The following KHDRBS2 variants were observed in gnomAD, a reference collection of about 807,000 sequenced individuals.
KHDRBS2 encodes the protein KH RNA binding domain containing, signal transduction associated 2.
KHDRBS2 carries 26 observed loss-of-function variants against 44.3 expected under a neutral mutation model. The observed-to-expected ratio is 0.59, with a 90% CI of 0.43 to 0.81. The LOEUF (loss-of-function observed/expected upper bound fraction) is 0.81, where lower values mean the gene tolerates loss of function less well. Ranked by LOEUF, KHDRBS2 falls within the 40% of genes least tolerant of loss-of-function variation. KHDRBS2 has a pLI of 0.00. For synonymous variants in KHDRBS2, 194 were observed against 151.1 expected, an observed-to-expected ratio of 1.28 and a Z score of -2.08; for missense variants, 476 against 433.1, an observed-to-expected ratio of 1.10 and a Z score of -0.88.
chr6:62,009,539 G>T (rs2127267756), intron 3 of KHDRBS2, among the ~76,000 whole-genome samples: 1 of 152,306 alleles, frequency 6.6e-6, no homozygotes, highest in East Asian at 1.9e-4. Context: ...TGAGGAAAAT[G>T]TCTCCAGGGC....
chr6:61,746,372 T>A (rs1386308904), intron 6 of KHDRBS2, among the ~76,000 whole-genome samples: 2 of 152,288 alleles, frequency 1.3e-5, no homozygotes, highest in African/African-American at 4.8e-5. Context: ...GTGGTCTCAC[T>A]GTTCAACTCC....
chr6:61,699,781 T>C (rs1301023545), intron 7 of KHDRBS2, among the ~76,000 whole-genome samples: 3 of 152,048 alleles, frequency 2.0e-5, no homozygotes, highest in Non-Finnish European at 2.9e-5. Flanking sequence ...CAATTTATAA[T>C]GCATAAACTT....
chr6:61,579,236 G>C, the KHDRBS2 span, among the ~76,000 whole-genome samples: 1 of 152,206 alleles, frequency 6.6e-6, no homozygotes, highest in South Asian at 2.1e-4. Context: ...TCTGACCTCG[G>C]CTAAACTTCT....
chr6:61,862,187 G>A (rs569813853), intron 6 of KHDRBS2, among the ~76,000 whole-genome samples: 5 of 152,108 alleles, frequency 3.3e-5, no homozygotes, highest in Non-Finnish European at 7.4e-5. Context: ...AGCAAAGATA[G>A]TTTGACTTCC....
chr6:61,545,804 G>A, the KHDRBS2 span, among the ~76,000 whole-genome samples: 2 of 152,008 alleles, frequency 1.3e-5, no homozygotes, highest in East Asian at 1.9e-4. Flanking sequence ...AGGTCTGATG[G>A]GATTAGTGGT....
intron 2 of KHDRBS2, among the ~76,000 whole-genome samples, chr6:62,137,092 C>T (rs113202048): frequency 6.7e-6 from 1 of 148,310 alleles, no homozygotes; most frequent in Non-Finnish European, 1.5e-5. Flanking sequence ...GCTCCGCCTC[C>T]CGGGTTCACG....
intron 2 of KHDRBS2, among the ~76,000 whole-genome samples, chr6:62,123,840 G>C (rs1382758040): frequency 2.0e-5 from 3 of 152,092 alleles, no homozygotes; most frequent in Non-Finnish European, 4.4e-5. Flanking sequence ...TGCTCCTTTT[G>C]TTGTTATGTA....
chr6:61,963,836 A>G (rs1389860526), intron 4 of KHDRBS2, among the ~76,000 whole-genome samples: 1 of 152,046 alleles, frequency 6.6e-6, no homozygotes, highest in Non-Finnish European at 1.5e-5. Context: ...ACTAAAGGAG[A>G]TAACTTCTGT....
At chr6:61,760,828 G>T (rs528049861) in intron 6 of KHDRBS2, among the ~76,000 whole-genome samples, 79 of 152,204 alleles carry the variant, frequency 5.2e-4, no homozygotes, top group African/African-American at 1.8e-3. Flanking sequence ...AAATATGTTG[G>T]CAGGCATAAT....
chr6:61,726,478 G>A lies in KHDRBS2; in HGVS notation c.893+6204C>T, dbSNP rs189999868. 9.2e-5 allele frequency among the ~76,000 whole-genome samples: 14 copies of A among 151,940 alleles called. No homozygotes were observed. The East Asian group carries it at 9.7e-4, about 10-fold the overall frequency. On this transcript the variant is annotated intron_variant, in intron 7 of 8. Coordinates refer to ENST00000281156, the MANE Select transcript of KHDRBS2 (RefSeq NM_152688.4). ...TATTCAAATAGGGAGAGAAGAAGTC[G>A]AACTCTCTTTATTTGCAGATGACAT...
At chr6:61,942,410 G>A (rs1812311850) in intron 4 of KHDRBS2, among the ~76,000 whole-genome samples, 1 of 151,816 alleles carries the variant, frequency 6.6e-6, no homozygotes, top group Non-Finnish European at 1.5e-5. Flanking sequence ...CAAAAATTCT[G>A]CAACTGAAGA....
intron 6 of KHDRBS2, among the ~76,000 whole-genome samples, chr6:61,739,833 A>G (rs1775901041): frequency 6.6e-6 from 1 of 152,090 alleles, no homozygotes; most frequent in African/African-American, 2.4e-5. Context: ...AAACAGATAC[A>G]CTAGACATAA....
intron 1 of KHDRBS2, among the ~76,000 whole-genome samples, chr6:62,230,570 T>TTTCC (rs1832739628): frequency 6.6e-6 from 1 of 152,186 alleles, no homozygotes; most frequent in South Asian, 2.1e-4. Flanking sequence ...GCTTTGCTTC[T>TTTCC]TTAGAGGAAG....
downstream of KHDRBS2, among the ~76,000 whole-genome samples, chr6:61,677,334 C>G (rs1224029449): frequency 6.6e-6 from 1 of 151,746 alleles, no homozygotes; most frequent in East Asian, 2.0e-4. Context: ...ATTCTTTTTC[C>G]TCTTGCTTTA....
At chr6:61,591,406 A>T in the KHDRBS2 span, among the ~76,000 whole-genome samples, 1 of 152,198 alleles carries the variant, frequency 6.6e-6, no homozygotes, top group Admixed American at 6.5e-5. Context: ...TAAAAAGCAA[A>T]CATAAATGGA....
the KHDRBS2 span, among the ~76,000 whole-genome samples, chr6:61,595,637 G>C: frequency 6.6e-6 from 1 of 151,498 alleles, no homozygotes; most frequent in Non-Finnish European, 1.5e-5. Context: ...CTAATTTCTA[G>C]TGAAAACCTA....
intron 1 of KHDRBS2, among the ~76,000 whole-genome samples, chr6:62,237,656 G>T (rs1373565001): frequency 6.6e-6 from 1 of 152,164 alleles, no homozygotes; most frequent in Non-Finnish European, 1.5e-5. Context: ...GAAAACGAGT[G>T]AGAAAATATA....
intron 1 of KHDRBS2, among the ~76,000 whole-genome samples, chr6:62,269,162 T>G (rs1326359465): frequency 3.3e-5 from 5 of 152,072 alleles, no homozygotes; most frequent in Non-Finnish European, 5.9e-5. Context: ...AAGAAAATAT[T>G]GAGAATAACT....
At chr6:62,130,886 G>A (rs1810137755) in intron 2 of KHDRBS2, among the ~76,000 whole-genome samples, 1 of 151,912 alleles carries the variant, frequency 6.6e-6, no homozygotes, top group Admixed American at 6.6e-5. Flanking sequence ...TATAAGTACT[G>A]GAAGTACAGT....
Sources: allele counts gnomAD v4.1 joint callset (sites outside exome capture counted in the v4.1 genomes callset), GRCh38; gene constraint gnomAD v4.1.1; transcripts MANE v1.5; gene names NCBI Gene and HGNC (gene_info 2026-07-23, HGNC 2026-07-21).